The following PTPN21 variants were observed in gnomAD, a reference collection of about 807,000 sequenced individuals.
PTPN21 encodes tyrosine-protein phosphatase non-receptor type 21.
Under a neutral mutation model 131.8 loss-of-function variants are expected in PTPN21, and 77 were observed. The observed-to-expected ratio is 0.58, with a 90% CI of 0.49 to 0.71. The LOEUF (loss-of-function observed/expected upper bound fraction) is 0.71, where lower values mean the gene tolerates loss of function less well. Among genes scored for constraint, PTPN21 ranks in the 30% least tolerant of loss-of-function variants. The pLI, the probability that PTPN21 is intolerant of heterozygous loss-of-function variation, is 0.00. For missense variants in PTPN21, 1,552 were observed against 1,527.1 expected, an observed-to-expected ratio of 1.02 and a Z score of -0.27; for synonymous variants, 715 against 621.3, an observed-to-expected ratio of 1.15 and a Z score of -2.24.
At chr14:88,490,413 T>C (rs1465228583) in intron 10 of PTPN21, among the ~76,000 whole-genome samples, 1 of 152,118 alleles carries the variant, frequency 6.6e-6, no homozygotes, top group African/African-American at 2.4e-5. Context: ...CATGTCCCCA[T>C]ACCCAGAGGT....
At chr14:88,535,828 G>A (rs2078622873) in intron 2 of PTPN21, among the ~76,000 whole-genome samples, 1 of 152,182 alleles carries the variant, frequency 6.6e-6, no homozygotes, top group Non-Finnish European at 1.5e-5. Flanking sequence ...TACTGCCTTG[G>A]TCTAGGATAT....
Position 88,528,146 on chromosome 14 carries a change from C to T in PTPN21, c.181-10885G>A, listed in dbSNP as rs144952224. On this transcript the variant is annotated intron_variant, in intron 2 of 18. Transcript: ENST00000556564. Reference sequence around the variant, plus strand: ...GGCTATGGGGGCTCTTTTTTGGTTCCATGTAAGTTTTAGGATTGTTTTTTC... The same window carrying T: ...GGCTATGGGGGCTCTTTTTTGGTTCTATGTAAGTTTTAGGATTGTTTTTTC... Among the ~76,000 whole-genome samples, 1,344 of 152,082 alleles carry T rather than the reference C, an allele frequency of 8.8e-3. 8 individuals are homozygous for T. The highest frequency in any genetic ancestry group is 0.031 in the African/African-American group (1,280 of 41,464).
intron 13 of PTPN21, among the ~76,000 whole-genome samples, chr14:88,474,360 TTGTG>T (rs1292542586): frequency 6.6e-6 from 1 of 151,988 alleles, no homozygotes; most frequent in Non-Finnish European, 1.5e-5. Context: ...CAACTAATCT[TTGTG>T]TGTTTTGTAG....
chr14:88,496,352 T>C, intron 10 of PTPN21, 61 bp downstream of exon 10: 1 of 1,404,562 alleles, frequency 7.1e-7, no homozygotes, highest in African/African-American at 1.4e-5. Flanking sequence ...TACAGTATAC[T>C]CAAGATTACA....
intron 3 of PTPN21, among the ~76,000 whole-genome samples, chr14:88,510,145 C>T (rs1357813372): frequency 6.6e-6 from 1 of 152,156 alleles, no homozygotes; most frequent in African/African-American, 2.4e-5. Context: ...ATTGACTCTT[C>T]CATATTTGCT....
intron 2 of PTPN21, among the ~76,000 whole-genome samples, chr14:88,541,647 C>T (rs898282878): frequency 7.9e-5 from 12 of 152,272 alleles, no homozygotes; most frequent in Admixed American, 1.3e-4. Flanking sequence ...CTGAGAGGGG[C>T]TTTTTCCTTA....
intron 18 of PTPN21, among the ~76,000 whole-genome samples, chr14:88,468,612 G>A (rs1034190115): frequency 1.3e-5 from 2 of 152,158 alleles, no homozygotes; most frequent in Non-Finnish European, 2.9e-5. Context: ...AGGGCTCTGG[G>A]CAGCATGAAT....
At chr14:88,471,944 A>G (rs534111683) in intron 15 of PTPN21, among the ~76,000 whole-genome samples, 13 of 151,956 alleles carry the variant, frequency 8.6e-5, no homozygotes, top group Admixed American at 3.3e-4. Context: ...AGCCGGGCAA[A>G]TAAGTGCGCC....
intron 3 of PTPN21, among the ~76,000 whole-genome samples, 158 bp from the exon 4 acceptor site, chr14:88,508,178 T>TCC (rs1399898444): frequency 6.6e-6 from 1 of 150,872 alleles, no homozygotes; most frequent in Admixed American, 6.7e-5. Context: ...AGATAGGGTC[T>TCC]CCCTTTGTTG....
intron 13 of PTPN21, among the ~76,000 whole-genome samples, chr14:88,474,847 C>T (rs1340999938): frequency 3.3e-5 from 5 of 152,128 alleles, no homozygotes; most frequent in Admixed American, 1.3e-4. Context: ...CGGGGGATCA[C>T]GCCTGTAATC....
In PTPN21 at chr14:88,530,353, A is replaced by G. The variant is rs566493459; in HGVS notation, c.181-13092T>C. ...AAAGCATAAATCTCACAGGGCCTATAAAACAGTAACACAATGGGGGAAAAA... is the reference window on the plus strand; with the variant it reads ...AAAGCATAAATCTCACAGGGCCTATGAAACAGTAACACAATGGGGGAAAAA... On this transcript the variant is annotated intron_variant, in intron 2 of 18. Transcript: ENST00000556564. 3.3e-4 allele frequency among the ~76,000 whole-genome samples: 50 copies of G among 152,314 alleles called. 1 individual carries two copies. The South Asian group carries it at 0.01, about 32-fold the overall frequency.
At chr14:88,521,486 TCTGCCTTCCAGTTTCAAGCGCTTCTC>T (rs1259778581) in intron 2 of PTPN21, among the ~76,000 whole-genome samples, 9 of 151,710 alleles carry the variant, frequency 5.9e-5, no homozygotes. Context: ...CACTGCAACC[TCTGCCTTCCAGTTTCAAGCGCTTCTC>T]CTGCCTCAGC....
intron 6 of PTPN21, among the ~76,000 whole-genome samples, chr14:88,502,755 A>G (rs1421445381): frequency 6.6e-6 from 1 of 152,178 alleles, no homozygotes; most frequent in East Asian, 1.9e-4. Context: ...CAGAAGGTAA[A>G]GCTGGGAAGG....
Position 88,531,151 on chromosome 14 carries a change from T to C in PTPN21, c.181-13890A>G, listed in dbSNP as rs554390239. On this transcript the variant is annotated intron_variant, in intron 2 of 18. Coordinates refer to ENST00000556564, the MANE Select transcript of PTPN21 (RefSeq NM_007039.4). ...TCCAAAAGTAACCCTCAAAACTATA[T>C]AAATAAATGGAAATTAAATAATATG... Among the ~76,000 whole-genome samples, 5 of 152,268 alleles carry C rather than the reference T, an allele frequency of 3.3e-5. No individual in the cohort carries two copies. The South Asian group carries it at 8.3e-4, about 25-fold the overall frequency.
intron 1 of PTPN21, among the ~76,000 whole-genome samples, chr14:88,552,895 T>A (rs2078886419): frequency 3.3e-5 from 5 of 152,180 alleles, no homozygotes; most frequent in Non-Finnish European, 7.3e-5. Context: ...ATATGCATAC[T>A]AAACACCCTT....
intron 2 of PTPN21, among the ~76,000 whole-genome samples, chr14:88,546,378 T>C (rs1482874145): frequency 7.0e-6 from 1 of 143,626 alleles, no homozygotes; most frequent in Admixed American, 7.3e-5. Context: ...GCCAACATGA[T>C]AAAACCCCAT....
At chr14:88,513,922 T>C (rs2078223576) in intron 3 of PTPN21, 1 of 152,274 alleles carries the variant, frequency 6.6e-6, no homozygotes, top group Non-Finnish European at 1.5e-5. Context: ...TTAGTCTGGA[T>C]GCCCAATTTC....
chr14:88,515,076 G>A (rs1390746727), intron 3 of PTPN21: 1 of 152,148 alleles, frequency 6.6e-6, no homozygotes, highest in African/African-American at 2.4e-5. Context: ...GCATGGGAAG[G>A]ATGCGCTGAG....
chr14:88,499,830 T>C (rs2077982188), intron 8 of PTPN21, among the ~76,000 whole-genome samples: 1 of 152,196 alleles, frequency 6.6e-6, no homozygotes, highest in South Asian at 2.1e-4. Flanking sequence ...TTTAAGGAAT[T>C]AAAGGTAGGG....
Sources: gnomAD v4.1 joint callset for allele counts (sites outside exome capture counted in the v4.1 genomes callset) on GRCh38, gnomAD v4.1.1 for gene constraint, MANE v1.5 for transcripts, NCBI Gene and HGNC (gene_info 2026-07-23, HGNC 2026-07-21) for gene names.